Variants in SYT6 observed in about 807,000 individuals in gnomAD.
The protein encoded by SYT6 is synaptotagmin 6.
SYT6 carries 24 observed loss-of-function variants against 38.4 expected under a neutral mutation model. The observed-to-expected ratio is 0.62, with a 90% CI of 0.45 to 0.88. The LOEUF is 0.88. SYT6 is among the 40% of genes least tolerant of loss of function. The pLI, the probability that SYT6 is intolerant of heterozygous loss-of-function variation, is 0.00. For synonymous variants in SYT6, 265 were observed against 241.9 expected (o/e 1.10, Z -0.89); for missense variants, 611 against 621.0 (o/e 0.98, Z 0.17).
chr1:114,106,700 A>G (rs540434067), intron 3 of SYT6, among the ~76,000 whole-genome samples: 2 of 151,730 alleles, frequency 1.3e-5, no homozygotes, highest in Non-Finnish European at 2.9e-5. Flanking sequence ...CTATACCTAC[A>G]TCATGCCCCC....
intron 1 of SYT6, chr1:114,152,591 G>A (rs2101138296): frequency 6.6e-6 from 1 of 152,348 alleles, no homozygotes; most frequent in South Asian, 2.1e-4. Flanking sequence ...CGGCGAGCGT[G>A]GCTGCCGGGC....
intron 3 of SYT6, among the ~76,000 whole-genome samples, chr1:114,129,332 AC>A (rs1302853906): frequency 5.3e-5 from 8 of 152,122 alleles, no homozygotes; most frequent in African/African-American, 1.9e-4. Flanking sequence ...CTGACTGTGT[AC>A]AGTAGTCTAG....
rs974113407 is a variant in SYT6, at chr1:114,105,766, A to C, written c.1072-2045T>G. 5.3e-5 allele frequency among the ~76,000 whole-genome samples: 8 copies of C among 152,154 alleles called. No individual in the cohort carries two copies. The East Asian group carries it at 7.7e-4, about 15-fold the overall frequency. On this transcript the variant is annotated intron_variant, in intron 3 of 7. Transcript: ENST00000610222. ...CAGCTGCTTGGACTCGTGACTCTCGAGAGAGTGGTCCTTGCACTCCGCTTT... is the reference window on the plus strand; with the variant it reads ...CAGCTGCTTGGACTCGTGACTCTCGCGAGAGTGGTCCTTGCACTCCGCTTT...
chr1:114,113,753 ATC>A (rs1261254646), intron 3 of SYT6, among the ~76,000 whole-genome samples: 1 of 152,098 alleles, frequency 6.6e-6, no homozygotes, highest in Non-Finnish European at 1.5e-5. Flanking sequence ...GCCGCCTCCT[ATC>A]TGCCTTCCCT....
intron 3 of SYT6, among the ~76,000 whole-genome samples, chr1:114,136,038 T>C (rs1446405653): frequency 6.6e-6 from 1 of 152,150 alleles, no homozygotes; most frequent in African/African-American, 2.4e-5. Flanking sequence ...AGCCGGCTAC[T>C]TATGTTCTTC....
At chr1:114,138,574 C>T (rs1262937204) in intron 2 of SYT6, among the ~76,000 whole-genome samples, 2 of 152,186 alleles carry the variant, frequency 1.3e-5, no homozygotes, top group African/African-American at 2.4e-5. Context: ...CACTTTCTAG[C>T]TGAGATCTTG....
chr1:114,139,734 G>C lies in SYT6; in HGVS notation c.393C>G (p.Ala131=). ...DPSTLGFLEA[A]VKISHTSPDI... ...CTGGGGACGTGTGGCTGATCTTCAC[G>C]GCCGCCTCCAGGAAGCCCAGGGTGC... The change falls in exon 2 of 8, where the codon GCC becomes GCG. Residue 131 remains alanine (A), a synonymous_variant. Transcript: ENST00000610222. 6.2e-7 allele frequency: 1 copy of C among 1,614,118 alleles called. No homozygotes were observed. Among genetic ancestry groups the C allele is most frequent in the South Asian group, 1.1e-5 (1 of 91,070 alleles).
chr1:114,153,117 G>A (rs917322157), intron 1 of SYT6: 1 of 147,502 alleles, frequency 6.8e-6, no homozygotes, highest in African/African-American at 2.5e-5. Flanking sequence ...AGTTTCTCCC[G>A]GAGAGACTGG....
chr1:114,113,744 C>A (rs1216902385), intron 3 of SYT6, among the ~76,000 whole-genome samples: 1 of 152,198 alleles, frequency 6.6e-6, no homozygotes, highest in African/African-American at 2.4e-5. Context: ...CAGCATACAG[C>A]CGCCTCCTAT....
In SYT6 at chr1:114,099,279, G is replaced by C; in HGVS notation, c.1193-14C>G. 1 of 1,604,432 alleles carries C rather than the reference G, an allele frequency of 6.2e-7. No homozygotes were observed. The highest frequency in any genetic ancestry group is 8.5e-7 in the Non-Finnish European group (1 of 1,175,240). On this transcript the variant is annotated splice_polypyrimidine_tract_variant and intron_variant, in intron 4 of 7. Coordinates refer to ENST00000610222, the MANE Select transcript of SYT6 (RefSeq NM_001253772.2). ...TCACATAGGGATCTGTGCCAATGGG[G>C]ACAGAGAAAAGGGAATGGAGTATGT...
intron 3 of SYT6, among the ~76,000 whole-genome samples, chr1:114,125,264 T>C (rs1465124380): frequency 6.6e-6 from 1 of 152,360 alleles, no homozygotes; most frequent in Non-Finnish European, 1.5e-5. Context: ...TTGGTGTTTT[T>C]CAGGCCATCA....
intron 4 of SYT6, among the ~76,000 whole-genome samples, chr1:114,102,888 C>T (rs1676051526): frequency 6.6e-6 from 1 of 152,206 alleles, no homozygotes; most frequent in Admixed American, 6.5e-5. Context: ...AACTCAAATA[C>T]CTCCTTCCAC....
chr1:114,092,710 ACT>A (rs1387468702), intron 7 of SYT6, among the ~76,000 whole-genome samples: 3 of 151,866 alleles, frequency 2.0e-5, no homozygotes, highest in African/African-American at 4.8e-5. Flanking sequence ...TATCAGCCTG[ACT>A]CTAACCCTTC....
chr1:114,127,536 G>A (rs1677817136), intron 3 of SYT6, among the ~76,000 whole-genome samples: 1 of 152,190 alleles, frequency 6.6e-6, no homozygotes, highest in African/African-American at 2.4e-5. Flanking sequence ...AGCATGGAGG[G>A]ACCCCTCCCT....
intron 6 of SYT6, among the ~76,000 whole-genome samples, chr1:114,094,899 G>A (rs140832663): frequency 0.013 from 2,049 of 152,362 alleles, 44 homozygotes; most frequent in Non-Finnish European, 0.014. Flanking sequence ...TTGCCTCCAA[G>A]CACAATGCAT....
At position 114,091,790 on chromosome 1, in the gene SYT6, A is replaced by C. The variant is rs1675316119; in HGVS notation, c.*344T>G. 1 of 403,726 alleles carries C rather than the reference A, an allele frequency of 2.5e-6. No individual in the cohort carries two copies. The highest frequency in any genetic ancestry group is 4.4e-5 in the Admixed American group (1 of 22,612). 25.0% of individuals were successfully genotyped at this position (403,726 alleles called of 1,614,324 possible). On this transcript the variant is annotated 3_prime_UTR_variant, in exon 8 of 8. Coordinates refer to ENST00000610222, the MANE Select transcript of SYT6 (RefSeq NM_001253772.2). ...TTACCAGCAGACCCATAAAAAGTGA[A>C]AAACCACAAAAACATCACCTTGGGA...
At chr1:114,147,499 C>A (rs891928407) in intron 1 of SYT6, among the ~76,000 whole-genome samples, 1 of 152,200 alleles carries the variant, frequency 6.6e-6, no homozygotes, top group Non-Finnish European at 1.5e-5. Context: ...CTCCAGCAGT[C>A]TCATGGGAGA....
At chr1:114,129,440 C>G (rs1366536925) in intron 3 of SYT6, among the ~76,000 whole-genome samples, 1 of 152,024 alleles carries the variant, frequency 6.6e-6, no homozygotes, top group East Asian at 1.9e-4. Context: ...TTACCTCTCC[C>G]ACTTCATCTT....
Position 114,089,557 on chromosome 1 carries a change from CGA to C in SYT6, c.*2575_*2576del, listed in dbSNP as rs1557721274. 1 of 152,288 alleles carries C rather than the reference CGA, an allele frequency of 6.6e-6. No homozygotes were observed. The highest frequency in any genetic ancestry group is 2.4e-5 in the African/African-American group (1 of 41,412). The allele number at this position is 152,288 out of a possible 1,614,324, so 9.4% of individuals were successfully genotyped here. A position where few individuals can be genotyped will look rare whatever the true frequency, so the allele number is the denominator to read the frequency against. ...TTCATCAAAGCTCACAGCAACAACC[CGA>C]GAGGTTTCTCCGGCCAGAGAAAGCC... On this transcript the variant is annotated 3_prime_UTR_variant, in exon 8 of 8. Transcript: ENST00000610222.
Sources: gnomAD v4.1 joint callset for allele counts (sites outside exome capture counted in the v4.1 genomes callset) on GRCh38, gnomAD v4.1.1 for gene constraint, MANE v1.5 for transcripts, NCBI Gene and HGNC (gene_info 2026-07-23, HGNC 2026-07-21) for gene names.